The following CFAP100 variants were observed in gnomAD, a reference collection of about 807,000 sequenced individuals.
CFAP100 encodes cilia and flagella associated protein 100, also known as cilia- and flagella-associated protein 100.
CFAP100 carries 70 observed loss-of-function variants against 81.5 expected under a neutral mutation model. The observed-to-expected ratio is 0.86, with a 90% CI of 0.71 to 1.05. The LOEUF (loss-of-function observed/expected upper bound fraction) is 1.05, where lower values mean the gene tolerates loss of function less well. Among genes scored for constraint, CFAP100 ranks in the 50% least tolerant of loss-of-function variants. The probability of loss-of-function intolerance (pLI) is 0.00; values close to 1 mark genes in which losing one functional copy is unlikely to be tolerated. For synonymous variants in CFAP100, 341 were observed against 314.8 expected (o/e 1.08, Z -0.88); for missense variants, 811 against 776.5 (o/e 1.04, Z -0.53).
chr3:126,436,413 G>A lies in CFAP100; in HGVS notation c.*9G>A. 1 of 1,601,116 alleles carries A rather than the reference G, an allele frequency of 6.2e-7. No individual in the cohort carries two copies. Among genetic ancestry groups the A allele is most frequent in the Non-Finnish European group, 8.6e-7 (1 of 1,169,200 alleles). On this transcript the variant is annotated 3_prime_UTR_variant, in exon 17 of 17. Transcript: ENST00000352312. ...TATTTTTCTTTACTTAATCTTCGCA[G>A]ACCATAGCTGTTCTGGCTGAAGGCT...
In CFAP100 at chr3:126,433,141, A is replaced by C; in HGVS notation, c.1359A>C (p.Thr453=). 2 of 1,614,236 alleles carry C rather than the reference A, an allele frequency of 1.2e-6. No individual in the cohort carries two copies. Residue 453 remains threonine (T), a synonymous_variant, in exon 14 of 17, where the codon ACA becomes ACC. Coordinates refer to ENST00000352312, the MANE Select transcript of CFAP100 (RefSeq NM_182628.3). ...MMMSITKEED[T]AAELELKARV... ...TGTCCATCACCAAGGAGGAGGACAC[A>C]GCAGCTGAGCTGGAGCTCAAAGCCC...
Position 126,435,649 on chromosome 3 carries a change from G to A in CFAP100, c.1719G>A (p.Lys573=), listed in dbSNP as rs1482205455. The A allele has an allele frequency of 1.9e-6, 3 of 1,610,694 alleles. No homozygotes were observed. The highest frequency in any genetic ancestry group is 2.5e-6 in the Non-Finnish European group (3 of 1,177,722). ...CGCGCGCCCAGGCTGAGATCAAGAA[G>A]AAGGTAGGCAGGGTCGCCTTGGGGG... ...ARARAQAEIK[K]KRGRTLVCRS... Residue 573 remains lysine (K), a synonymous_variant, in exon 16 of 17, where the codon AAG becomes AAA. Coordinates refer to ENST00000352312, the MANE Select transcript of CFAP100 (RefSeq NM_182628.3).
chr3:126,413,142 G>A (rs994769340), intron 3 of CFAP100, among the ~76,000 whole-genome samples: 2 of 152,232 alleles, frequency 1.3e-5, no homozygotes, highest in African/African-American at 2.4e-5. Flanking sequence ...AAGGGAGAGC[G>A]AGTGCAGATT....
intron 16 of CFAP100, among the ~76,000 whole-genome samples, chr3:126,436,051 A>C (rs903652736): frequency 7.2e-5 from 11 of 152,184 alleles, no homozygotes; most frequent in African/African-American, 2.7e-4. Context: ...GGCAACAGGA[A>C]GCAGGTCCCT....
intron 4 of CFAP100, 181 bp downstream of exon 4, chr3:126,414,360 C>G: frequency 1.4e-6 from 1 of 697,410 alleles, no homozygotes. Context: ...TCTCAGGACT[C>G]ACAGCATCCC....
At chr3:126,401,158 A>G (rs2082972708) in intron 2 of CFAP100, among the ~76,000 whole-genome samples, 1 of 151,424 alleles carries the variant, frequency 6.6e-6, no homozygotes, top group East Asian at 2.0e-4. Flanking sequence ...AGAAGGGGGA[A>G]TGGAGGCCAC....
At chr3:126,398,209 A>T (rs983403503) in intron 2 of CFAP100, among the ~76,000 whole-genome samples, 10 of 152,254 alleles carry the variant, frequency 6.6e-5, no homozygotes, top group African/African-American at 2.4e-4. Context: ...GGCTGCAGGA[A>T]TGCCCGGAGC....
intron 2 of CFAP100, among the ~76,000 whole-genome samples, chr3:126,397,246 C>A (rs2082903883): frequency 6.6e-6 from 1 of 152,124 alleles, no homozygotes; most frequent in South Asian, 2.1e-4. Context: ...AATTTATTAA[C>A]CAATTCTCTG....
At chr3:126,416,051 A>G (rs558010632) in intron 4 of CFAP100, among the ~76,000 whole-genome samples, 2 of 152,290 alleles carry the variant, frequency 1.3e-5, no homozygotes, top group East Asian at 3.9e-4. Flanking sequence ...TTTTCGGGTA[A>G]GCGTGCCCCC....
intron 15 of CFAP100, among the ~76,000 whole-genome samples, chr3:126,435,011 C>T (rs1027580266): frequency 6.6e-6 from 1 of 152,092 alleles, no homozygotes; most frequent in African/African-American, 2.4e-5. Flanking sequence ...GTGGGCAGCC[C>T]GGTTCATCCA....
intron 13 of CFAP100, among the ~76,000 whole-genome samples, chr3:126,432,049 G>C (rs548960222): frequency 1.3e-5 from 2 of 152,072 alleles, no homozygotes; most frequent in Non-Finnish European, 2.9e-5. Flanking sequence ...GGGAGGCTGA[G>C]GCAGGAGGAT....
chr3:126,423,566 CGCTGATCCAGAACAGCCAGG>C lies in CFAP100; in HGVS notation c.1209_1228del (p.Leu404AspfsTer46). 6.2e-7 allele frequency: 1 copy of C among 1,613,934 alleles called. No individual in the cohort carries two copies. Among genetic ancestry groups the C allele is most frequent in the Non-Finnish European group, 8.5e-7 (1 of 1,179,862 alleles). On this transcript the variant is annotated frameshift_variant, in exon 13 of 17. Coordinates refer to ENST00000352312, the MANE Select transcript of CFAP100 (RefSeq NM_182628.3). LOFTEE classifies it high-confidence loss of function. The stretch of plus-strand genomic sequence containing the variant: ...CGAGAGCTGGAGGAGCAGAACCTGT[CGCTGATCCAGAACAGCCAGG>C]AGACGGAGAAGACCCTGGAGGAGCT...
At chr3:126,423,104 C>A (rs1234966761) in intron 11 of CFAP100, among the ~76,000 whole-genome samples, 1 of 152,216 alleles carries the variant, frequency 6.6e-6, no homozygotes, top group Non-Finnish European at 1.5e-5. Flanking sequence ...GTCAAAGTGG[C>A]TACGGCCTTG....
intron 2 of CFAP100, among the ~76,000 whole-genome samples, chr3:126,401,512 T>C (rs1049809292): frequency 6.8e-6 from 1 of 147,976 alleles, no homozygotes; most frequent in African/African-American, 2.5e-5. Flanking sequence ...AACAACTAAA[T>C]AGACAGGATG....
chr3:126,398,381 G>A (rs1279903981), intron 2 of CFAP100, among the ~76,000 whole-genome samples: 8 of 152,224 alleles, frequency 5.3e-5, no homozygotes, highest in Non-Finnish European at 7.3e-5. Flanking sequence ...TTCCTTGAGC[G>A]GCCAAATATA....
Position 126,418,610 on chromosome 3 carries a change from G to C in CFAP100, c.487-1G>C, listed in dbSNP as rs1352726060. 1 of 1,608,774 alleles carries C rather than the reference G, an allele frequency of 6.2e-7. No homozygotes were observed. Among genetic ancestry groups the C allele is most frequent in the East Asian group, 2.2e-5 (1 of 44,602 alleles). On this transcript the variant is annotated splice_acceptor_variant, in intron 6 of 16. Coordinates refer to ENST00000352312, the MANE Select transcript of CFAP100 (RefSeq NM_182628.3). LOFTEE classifies it high-confidence loss of function. The stretch of plus-strand genomic sequence containing the variant: ...CATGACCCCACTCTGCTGGCCCCCA[G>C]TATGCCCTGGATGTCAAGCGGAGAG...
chr3:126,405,325 G>A (rs2083046112), intron 2 of CFAP100, among the ~76,000 whole-genome samples: 1 of 152,130 alleles, frequency 6.6e-6, no homozygotes, highest in African/African-American at 2.4e-5. Context: ...GAAAAACCAA[G>A]GGCATATAAG....
intron 3 of CFAP100, among the ~76,000 whole-genome samples, chr3:126,411,351 G>A (rs942271526): frequency 2.9e-5 from 1 of 34,774 alleles, no homozygotes; most frequent in Non-Finnish European, 6.9e-5. Context: ...AGTTTTTTTT[G>A]TTGTTGTTGG....
At chr3:126,410,385 T>C (rs1449732349) in intron 3 of CFAP100, among the ~76,000 whole-genome samples, 2 of 152,260 alleles carry the variant, frequency 1.3e-5, no homozygotes, top group African/African-American at 2.4e-5. Context: ...CACATCTTAA[T>C]TGACCTAATC....
Sources: gnomAD v4.1 joint callset for allele counts (sites outside exome capture counted in the v4.1 genomes callset) on GRCh38, gnomAD v4.1.1 for gene constraint, MANE v1.5 for transcripts, NCBI Gene and HGNC (gene_info 2026-07-23, HGNC 2026-07-21) for gene names.